Variants in TYW1 observed in about 807,000 individuals in gnomAD.
The protein encoded by TYW1 is tRNA-yW synthesizing protein 1 homolog, also known as S-adenosyl-L-methionine-dependent tRNA 4-demethylwyosine synthase TYW1.
A neutral mutation model predicts 96.2 loss-of-function variants in TYW1; 46 were observed. That is an observed-to-expected ratio of 0.48 (90% CI 0.38 to 0.61). The LOEUF is 0.61. TYW1 is among the 20% of genes least tolerant of loss of function. The pLI is 0.00. For missense variants in TYW1, 684 were observed against 909.6 expected, an observed-to-expected ratio of 0.75 and a Z score of 3.19; for synonymous variants, 274 against 323.0, an observed-to-expected ratio of 0.85 and a Z score of 1.63.
At chr7:67,114,604 C>A (rs1356930060) in intron 12 of TYW1, among the ~76,000 whole-genome samples, 1 of 152,134 alleles carries the variant, frequency 6.6e-6, no homozygotes, top group Non-Finnish European at 1.5e-5. Flanking sequence ...TTTTTAATTA[C>A]TCCCAGCAGT....
At chr7:67,174,247 G>A (rs187675088) in intron 13 of TYW1, among the ~76,000 whole-genome samples, 1 of 152,060 alleles carries the variant, frequency 6.6e-6, no homozygotes, top group African/African-American at 2.4e-5. Flanking sequence ...CTCATTTACT[G>A]TAGAAATTTG....
At chr7:67,113,024 T>C (rs1270257770) in intron 12 of TYW1, among the ~76,000 whole-genome samples, 1 of 152,220 alleles carries the variant, frequency 6.6e-6, no homozygotes, top group Admixed American at 6.5e-5. Flanking sequence ...TTTATCCTGC[T>C]GCATCTCACA....
At chr7:67,119,504 G>A (rs1388669260) in intron 13 of TYW1, among the ~76,000 whole-genome samples, 1 of 151,914 alleles carries the variant, frequency 6.6e-6, no homozygotes. Context: ...CTGAGTCTTC[G>A]GTTACTGTCT....
intron 15 of TYW1, among the ~76,000 whole-genome samples, chr7:67,202,395 A>AT (rs148962083): frequency 0.25 from 38,045 of 151,388 alleles, 4,949 homozygotes; most frequent in African/African-American, 0.3. Flanking sequence ...TGCTCAATTT[A>AT]TTTTTTTTAT....
chr7:67,104,566 C>G (rs1397822031), intron 12 of TYW1, among the ~76,000 whole-genome samples: 2 of 146,088 alleles, frequency 1.4e-5, no homozygotes, highest in East Asian at 3.9e-4. Flanking sequence ...GGGGACAGAG[C>G]CAGATTATAT....
chr7:67,211,150 T>TTG (rs61112149), intron 15 of TYW1, among the ~76,000 whole-genome samples: 4,685 of 125,624 alleles, frequency 0.037, 250 homozygotes, highest in East Asian at 0.11. Flanking sequence ...CCCATCAACA[T>TTG]TGTGTGTGTG....
At chr7:67,022,924 T>C (rs1357327092) in intron 6 of TYW1, among the ~76,000 whole-genome samples, 1 of 152,168 alleles carries the variant, frequency 6.6e-6, no homozygotes, top group Non-Finnish European at 1.5e-5. Context: ...TCGTCCGTGA[T>C]AATCCTATCA....
intron 15 of TYW1, among the ~76,000 whole-genome samples, chr7:67,200,461 G>A (rs1482234647): frequency 6.6e-6 from 1 of 152,044 alleles, no homozygotes; most frequent in East Asian, 1.9e-4. Context: ...AGGGCCAAGC[G>A]AAAGAGGAAA....
intron 15 of TYW1, among the ~76,000 whole-genome samples, chr7:67,216,398 T>C (rs1801197558): frequency 1.5e-5 from 2 of 135,958 alleles, no homozygotes; most frequent in Non-Finnish European, 3.2e-5. Flanking sequence ...TCATTGTCAC[T>C]ATTGGTCTCA....
At chr7:67,089,885 GC>G (rs1489741750) in intron 11 of TYW1, among the ~76,000 whole-genome samples, 9 of 152,138 alleles carry the variant, frequency 5.9e-5, no homozygotes, top group African/African-American at 1.9e-4. Context: ...AATGCTGCCT[GC>G]CCCCTTCTAA....
chr7:67,084,677 C>A (rs1196127316), intron 11 of TYW1, among the ~76,000 whole-genome samples: 1 of 152,046 alleles, frequency 6.6e-6, no homozygotes, highest in East Asian at 1.9e-4. Context: ...CACGGGCCAC[C>A]ACACCTGGCT....
intron 10 of TYW1, among the ~76,000 whole-genome samples, chr7:67,067,679 A>G (rs2115673811): frequency 6.6e-6 from 1 of 152,368 alleles, no homozygotes; most frequent in East Asian, 1.9e-4. Flanking sequence ...GATTATCGAT[A>G]AATAGTGATA....
At chr7:67,226,214 A>C (rs1225325142) in intron 15 of TYW1, among the ~76,000 whole-genome samples, 4 of 152,170 alleles carry the variant, frequency 2.6e-5, no homozygotes, top group Admixed American at 6.5e-5. Context: ...TATAGTTTAT[A>C]ATTTAAAACA....
chr7:67,112,120 A>AAAAAAAAAAAAAAAAAAAAAAG (rs1424171580), intron 12 of TYW1, among the ~76,000 whole-genome samples: 1 of 148,688 alleles, frequency 6.7e-6, no homozygotes, highest in Non-Finnish European at 1.5e-5. Flanking sequence ...AAAAAAAAAA[A>AAAAAAAAAAAAAAAAAAAAAAG]AAAGAAAGTG....
chr7:67,136,124 T>C (rs946106577), intron 13 of TYW1, among the ~76,000 whole-genome samples: 2 of 152,218 alleles, frequency 1.3e-5, no homozygotes, highest in African/African-American at 4.8e-5. Context: ...TTATTTGACA[T>C]AGCCCAAAGT....
chr7:67,125,538 T>G (rs539803155), intron 13 of TYW1, among the ~76,000 whole-genome samples: 1 of 148,186 alleles, frequency 6.7e-6, no homozygotes, highest in South Asian at 2.2e-4. Context: ...GAGTGGCACA[T>G]TTATTATAAC....
chr7:67,139,948 C>T (rs1474821142), intron 13 of TYW1, among the ~76,000 whole-genome samples: 1 of 151,868 alleles, frequency 6.6e-6, no homozygotes, highest in South Asian at 2.1e-4. Context: ...AAGACACACC[C>T]GAGACTGAGC....
intron 13 of TYW1, among the ~76,000 whole-genome samples, chr7:67,120,164 G>A (rs935008942): frequency 2.0e-5 from 3 of 151,708 alleles, no homozygotes; most frequent in Non-Finnish European, 4.4e-5. Context: ...TCACTGCAAC[G>A]TCTGCCTCCT....
chr7:67,157,860 T>C (rs1420900750), intron 13 of TYW1, among the ~76,000 whole-genome samples: 1 of 152,204 alleles, frequency 6.6e-6, no homozygotes, highest in Non-Finnish European at 1.5e-5. Context: ...ATCGTGCTTA[T>C]GTGTTTTGGG....
Sources: gnomAD v4.1 joint callset for allele counts (sites outside exome capture counted in the v4.1 genomes callset) on GRCh38, gnomAD v4.1.1 for gene constraint, MANE v1.5 for transcripts, NCBI Gene and HGNC (gene_info 2026-07-23, HGNC 2026-07-21) for gene names.